Variants in TTLL12 observed in about 807,000 individuals in gnomAD.
The protein encoded by TTLL12 is tubulin tyrosine ligase like 12.
Under a neutral mutation model 79.6 loss-of-function variants are expected in TTLL12, and 77 were observed. The ratio of observed to expected loss-of-function variants is 0.97; its 90% CI spans 0.81 to 1.17. TTLL12 has a LOEUF of 1.17. TTLL12 is among the 50% of genes most tolerant of loss of function. The pLI is 0.00. For synonymous variants in TTLL12, 437 were observed against 376.1 expected, an observed-to-expected ratio of 1.16 and a Z score of -1.87; for missense variants, 969 against 895.9, an observed-to-expected ratio of 1.08 and a Z score of -1.04.
At chr22:43,179,127 C>T (rs1279014313) in intron 5 of TTLL12, among the ~76,000 whole-genome samples, 2 of 152,226 alleles carry the variant, frequency 1.3e-5, no homozygotes, top group Non-Finnish European at 2.9e-5. Flanking sequence ...TGAGCTCTTA[C>T]CTCCAGCCAG....
intron 11 of TTLL12, 46 bp downstream of exon 11, chr22:43,171,773 C>T (rs755952357): frequency 1.9e-6 from 3 of 1,569,232 alleles, no homozygotes; most frequent in Non-Finnish European, 1.7e-6. Flanking sequence ...GTCGGGTGTG[C>T]CCTGGCCTCT....
chr22:43,181,865 C>T (rs1457687271), intron 2 of TTLL12, among the ~76,000 whole-genome samples: 3 of 152,128 alleles, frequency 2.0e-5, no homozygotes, highest in South Asian at 2.1e-4. Context: ...TGGGTGACCA[C>T]GTGATGCAGG....
chr22:43,183,049 G>C lies in TTLL12; in HGVS notation c.278C>G (p.Pro93Arg), dbSNP rs150601768. The C allele has an allele frequency of 1.2e-6, 2 of 1,613,842 alleles. No homozygotes were observed. Among genetic ancestry groups the C allele is most frequent in the African/African-American group, 1.3e-5 (1 of 74,904 alleles). ...GACCTTGTAGCACAGCTCGTTCCCC[G>C]GGTTGGGCTGCTGCTTCCGCACCTC... Reference protein sequence around the residue: ...AREVRKQQPNPGNELCYKVIV... With the variant: ...AREVRKQQPNRGNELCYKVIV... Residue 93 changes from proline (P) to arginine (R), a missense_variant, in exon 2 of 14, where the codon CCG becomes CGG. By Grantham distance (103) the Pro-to-Arg change is moderately radical (BLOSUM62 -2). Transcript: ENST00000216129.
intron 4 of TTLL12, 28 bp downstream of exon 4, chr22:43,179,813 C>T (rs749226795): frequency 3.2e-6 from 5 of 1,558,172 alleles, no homozygotes; most frequent in Non-Finnish European, 4.4e-6. Context: ...GAGGCCCCTC[C>T]TCCAGGGCGG....
chr22:43,187,095 GCGCCGCCACCGC>G lies in TTLL12; in HGVS notation c.-38_-27del. The stretch of plus-strand genomic sequence containing the variant: ...GGCGCCAGCACCCGCGCCGACTCCA[GCGCCGCCACCGC>G]CGCCGCCGCCCGCCGTCCGTCGGCC... On this transcript the variant is annotated 5_prime_UTR_variant, in exon 1 of 14. Transcript: ENST00000216129. 1.8e-6 allele frequency: 2 copies of G among 1,112,952 alleles called. No homozygotes were observed. Among genetic ancestry groups the G allele is most frequent in the Non-Finnish European group, 2.2e-6 (2 of 914,410 alleles). The allele number at this position is 1,112,952 out of a possible 1,614,324, so 68.9% of individuals were successfully genotyped here.
chr22:43,186,189 A>AACC (rs796737951), intron 1 of TTLL12, among the ~76,000 whole-genome samples: 4 of 82,140 alleles, frequency 4.9e-5, no homozygotes, highest in Admixed American at 1.4e-4. Flanking sequence ...TAAAGAAAAC[A>AACC]CCCCCCCCCC....
chr22:43,174,686 G>C, intron 6 of TTLL12, 71 bp from the exon 7 acceptor site: 1 of 1,101,498 alleles, frequency 9.1e-7, no homozygotes, highest in Admixed American at 2.1e-5. Flanking sequence ...ACTAGCCCTG[G>C]CTCAGGGACT....
At chr22:43,185,578 C>A (rs923788030) in intron 1 of TTLL12, among the ~76,000 whole-genome samples, 1 of 152,156 alleles carries the variant, frequency 6.6e-6, no homozygotes, top group Non-Finnish European at 1.5e-5. Flanking sequence ...GCAGGCAAGG[C>A]GGCCTGGGCA....
At position 43,172,372 on chromosome 22, in the gene TTLL12, C is replaced by G. The variant is rs750339742; in HGVS notation, c.1493+31G>C. 4 of 1,607,662 alleles carry G rather than the reference C, an allele frequency of 2.5e-6. No homozygotes were observed. The East Asian group carries it at 6.7e-5, about 27-fold the overall frequency. ...ACCTCCACCCGGTCACCCAGCTCCC[C>G]GACCCTGGACCCAGCCGGCCCTCCA... On this transcript the variant is annotated intron_variant, in intron 10 of 13. Coordinates refer to ENST00000216129, the MANE Select transcript of TTLL12 (RefSeq NM_015140.4).
intron 3 of TTLL12, among the ~76,000 whole-genome samples, chr22:43,180,301 C>T (rs1055259564): frequency 2.0e-5 from 3 of 152,002 alleles, no homozygotes; most frequent in African/African-American, 7.3e-5. Flanking sequence ...ATGGGGGGGT[C>T]GGGGGAGTCG....
Position 43,183,045 on chromosome 22 carries a change from C to A in TTLL12, c.282G>T (p.Gly94=), listed in dbSNP as rs752721875. ...CGATGACCTTGTAGCACAGCTCGTT[C>A]CCCGGGTTGGGCTGCTGCTTCCGCA... The part of the protein sequence containing the change: ...REVRKQQPNP[G]NELCYKVIVT... Residue 94 remains glycine, a synonymous_variant, in exon 2 of 14, where the codon GGG becomes GGT. Coordinates refer to ENST00000216129, the MANE Select transcript of TTLL12 (RefSeq NM_015140.4). 33 of 1,613,870 alleles carry A rather than the reference C, an allele frequency of 2.0e-5. No individual in the cohort carries two copies. The highest frequency in any genetic ancestry group is 2.7e-5 in the Non-Finnish European group (32 of 1,179,970).
chr22:43,180,668 C>G, intron 3 of TTLL12, 74 bp downstream of exon 3: 1 of 1,535,606 alleles, frequency 6.5e-7, no homozygotes, highest in Non-Finnish European at 8.9e-7. Flanking sequence ...CTCACCCGGC[C>G]TGATGGCACA....
At chr22:43,182,956 T>TA in intron 2 of TTLL12, 24 bp downstream of exon 2, 1 of 1,606,778 alleles carries the variant, frequency 6.2e-7, no homozygotes, top group Non-Finnish European at 8.5e-7. Flanking sequence ...AAGGTTGTGG[T>TA]GGTGTCTCTG....
At chr22:43,178,145 C>T (rs1403315678) in intron 5 of TTLL12, among the ~76,000 whole-genome samples, 3 of 152,180 alleles carry the variant, frequency 2.0e-5, no homozygotes, top group African/African-American at 4.8e-5. Context: ...TGCAGGGGCT[C>T]TGGGAGGCTT....
Position 43,180,829 on chromosome 22 carries a change from G to A in TTLL12, c.459C>T (p.Phe153=). ...CCTCTGTACTGGGCAGCTCACCGTG[G>A]AACTCAATGCCCATCAGGTTGGCCA... ...HRMANLMGIE[F]HGELPSTEAV... The change falls in exon 3 of 14, where the codon TTC becomes TTT. Residue 153 remains phenylalanine (F), a synonymous_variant. Transcript: ENST00000216129. 1 of 1,613,178 alleles carries A rather than the reference G, an allele frequency of 6.2e-7. No homozygotes were observed. The highest frequency in any genetic ancestry group is 8.5e-7 in the Non-Finnish European group (1 of 1,179,992).
intron 3 of TTLL12, 29 bp from the exon 4 acceptor site, chr22:43,180,029 C>A (rs183553695): frequency 1.3e-6 from 2 of 1,548,046 alleles, no homozygotes; most frequent in Non-Finnish European, 1.7e-6. Context: ...TGGCACCTCT[C>A]GCTCACCCAT....
Position 43,179,979 on chromosome 22 carries a change from C to A in TTLL12, c.568G>T (p.Val190Leu). The change falls in exon 4 of 14, where the codon GTG (valine) becomes TTG (leucine). Residue 190 changes from valine (V) to leucine (L), a missense_variant. Val to Leu is a conservative substitution (Grantham distance 32). Coordinates refer to ENST00000216129, the MANE Select transcript of TTLL12 (RefSeq NM_015140.4). ...CCGAACTCGTCCATGATATACCACA[C>A]CGGCATCTTCTCCTCAGCTGTCTGC... ...AHGTAEEKMP[V>L]WYIMDEFGSR... 6.2e-7 allele frequency: 1 copy of A among 1,603,616 alleles called. No individual in the cohort carries two copies. The highest frequency in any genetic ancestry group is 8.5e-7 in the Non-Finnish European group (1 of 1,176,850).
rs1293672318 is a variant in TTLL12 at position 43,172,523 on chromosome 22, A to G, written c.1373T>C (p.Leu458Ser). ...CTTTCCCACGTCTTCTCGAAGGAACAACACGGGACTTTCGATGTACTTGGA... is the reference window on the plus strand; with the variant it reads ...CTTTCCCACGTCTTCTCGAAGGAACGACACGGGACTTTCGATGTACTTGGA... ...VVSKYIESPV[L>S]FLREDVGKVK... Residue 458 changes from leucine to serine, a missense_variant, in exon 10 of 14, where the codon TTG (leucine) becomes TCG (serine). Physicochemically the swap from Leu to Ser is moderately radical, Grantham distance 145. Coordinates refer to ENST00000216129, the MANE Select transcript of TTLL12 (RefSeq NM_015140.4). The G allele has an allele frequency of 1.9e-6, 3 of 1,614,004 alleles. No homozygotes were observed. The Admixed American group carries it at 5.0e-5, about 27-fold the overall frequency.
chr22:43,178,292 A>C (rs935229528), intron 5 of TTLL12, among the ~76,000 whole-genome samples: 2 of 148,366 alleles, frequency 1.3e-5, no homozygotes, highest in South Asian at 2.2e-4. Context: ...CGCCCACACA[A>C]ACACGCCACC....
Sources: allele counts gnomAD v4.1 joint callset (sites outside exome capture counted in the v4.1 genomes callset), GRCh38; gene constraint gnomAD v4.1.1; transcripts MANE v1.5; gene names NCBI Gene and HGNC (gene_info 2026-07-23, HGNC 2026-07-21).